Variants in LYPD6 observed in about 807,000 individuals in gnomAD.
The protein encoded by LYPD6 is ly6/PLAUR domain-containing protein 6.
Under a neutral mutation model 22.7 loss-of-function variants are expected in LYPD6, and 15 were observed. The observed-to-expected ratio is 0.66, with a 90% CI of 0.44 to 1.02. LYPD6 has a LOEUF of 1.02. LYPD6 is among the 50% of genes least tolerant of loss of function. The pLI is 0.00. For synonymous variants in LYPD6, 72 were observed against 77.5 expected (o/e 0.93, Z 0.37); for missense variants, 189 against 208.4 (o/e 0.91, Z 0.57).
downstream of LYPD6, among the ~76,000 whole-genome samples, chr2:149,475,381 C>CT (rs1681432831): frequency 6.6e-6 from 1 of 152,228 alleles, no homozygotes; most frequent in East Asian, 1.9e-4. Context: ...AGCATCATGA[C>CT]TTCACCTTGG....
chr2:149,453,494 G>C (rs1199378849), intron 3 of LYPD6, among the ~76,000 whole-genome samples: 1 of 152,188 alleles, frequency 6.6e-6, no homozygotes, highest in Non-Finnish European at 1.5e-5. Flanking sequence ...TGAAAATACT[G>C]CTGATATATA....
At chr2:149,467,803 G>A (rs1681234824) in intron 3 of LYPD6, among the ~76,000 whole-genome samples, 1 of 152,062 alleles carries the variant, frequency 6.6e-6, no homozygotes, top group Admixed American at 6.6e-5. Context: ...GCTGAACATT[G>A]CCTGGAGGCC....
At chr2:149,411,268 A>T (rs1682844004) in intron 1 of LYPD6, among the ~76,000 whole-genome samples, 1 of 152,082 alleles carries the variant, frequency 6.6e-6, no homozygotes, top group Non-Finnish European at 1.5e-5. Context: ...CTTGCATAAC[A>T]TCTCAGAATT....
At chr2:149,365,604 G>A (rs1037266085) in intron 1 of LYPD6, among the ~76,000 whole-genome samples, 5 of 151,872 alleles carry the variant, frequency 3.3e-5, no homozygotes, top group African/African-American at 1.2e-4. Context: ...ATTTACAGCT[G>A]TGTTTCTCAA....
At chr2:149,415,854 A>AT (rs997432134) in intron 1 of LYPD6, among the ~76,000 whole-genome samples, 6 of 151,122 alleles carry the variant, frequency 4.0e-5, no homozygotes, top group Admixed American at 4.0e-4. Flanking sequence ...TTTTTTTTGT[A>AT]TTTTTTGTAG....
At chr2:149,401,193 T>G (rs1682547088) in intron 1 of LYPD6, among the ~76,000 whole-genome samples, 1 of 152,204 alleles carries the variant, frequency 6.6e-6, no homozygotes, top group Non-Finnish European at 1.5e-5. Flanking sequence ...TGATCAGGAA[T>G]GTACCACATG....
chr2:149,405,602 G>T (rs1356801035), intron 1 of LYPD6, among the ~76,000 whole-genome samples: 1 of 151,944 alleles, frequency 6.6e-6, no homozygotes, highest in East Asian at 1.9e-4. Flanking sequence ...ATTTTTTATT[G>T]GTCTATTTGA....
the LYPD6 span, among the ~76,000 whole-genome samples, chr2:149,481,452 T>G: frequency 6.6e-6 from 1 of 152,214 alleles, no homozygotes; most frequent in African/African-American, 2.4e-5. Flanking sequence ...TCTGACCCCA[T>G]AATCCTACTT....
intron 1 of LYPD6, among the ~76,000 whole-genome samples, chr2:149,376,813 T>C (rs1681932624): frequency 6.6e-6 from 1 of 152,228 alleles, no homozygotes; most frequent in Admixed American, 6.5e-5. Context: ...AGCTCACATG[T>C]AACCATTGCT....
At chr2:149,357,284 C>T (rs886630983) in intron 1 of LYPD6, among the ~76,000 whole-genome samples, 1 of 152,214 alleles carries the variant, frequency 6.6e-6, no homozygotes, top group Non-Finnish European at 1.5e-5. Context: ...TTATGATTGA[C>T]ACTGAGCAAG....
intron 3 of LYPD6, among the ~76,000 whole-genome samples, chr2:149,464,629 A>G (rs938173008): frequency 2.6e-5 from 4 of 152,206 alleles, no homozygotes; most frequent in Non-Finnish European, 5.9e-5. Context: ...CCACTCAGGC[A>G]GGCCAAATAA....
Position 149,470,847 on chromosome 2 carries a change from A to C in LYPD6, c.513A>C (p.Leu171Phe). The C allele has an allele frequency of 6.2e-7, 1 of 1,611,082 alleles. No homozygotes were observed. Among genetic ancestry groups the C allele is most frequent in the Non-Finnish European group, 8.5e-7 (1 of 1,177,828 alleles). ...TGTGGTTGTGGTTAGGGCTCATGTT[A>C]TAGTGGCTCAGTGGCTCCATGTGTT... ...SCLWLWLGLML is the reference protein window; with the variant it reads ...SCLWLWLGLMF The change falls in exon 5 of 5, where the codon TTA (leucine) becomes TTC (phenylalanine). Residue 171 changes from leucine (L) to phenylalanine (F), a missense_variant. By Grantham distance (22) the Leu-to-Phe change is conservative (BLOSUM62 0). Coordinates refer to ENST00000334166, the MANE Select transcript of LYPD6 (RefSeq NM_194317.5).
Position 149,437,683 on chromosome 2 carries a change from C to G in LYPD6, c.-26C>G. The G allele has an allele frequency of 1.9e-6, 3 of 1,613,610 alleles. No homozygotes were observed. Among genetic ancestry groups the G allele is most frequent in the Non-Finnish European group, 1.7e-6 (2 of 1,179,898 alleles). On this transcript the variant is annotated 5_prime_UTR_variant, in exon 2 of 5. Transcript: ENST00000334166. ...CCCTGAGTGCCCACTCCCAGGCCCT[C>G]TGTATGAGTGACACTTCAGTCTGCC...
chr2:149,464,113 T>TA (rs34341723), intron 3 of LYPD6: 35,616 of 356,146 alleles, frequency 0.1, 1,145 homozygotes, highest in African/African-American at 0.17. Context: ...TAGGTTAAAT[T>TA]AAAAAAAAAA....
At chr2:149,457,711 A>G (rs746726289) in intron 3 of LYPD6, among the ~76,000 whole-genome samples, 2 of 152,128 alleles carry the variant, frequency 1.3e-5, no homozygotes, top group Non-Finnish European at 2.9e-5. Flanking sequence ...GAAAACTCCC[A>G]TTTCTGGAAA....
chr2:149,427,832 A>G (rs1424294176), intron 1 of LYPD6, among the ~76,000 whole-genome samples: 1 of 152,226 alleles, frequency 6.6e-6, no homozygotes, highest in Non-Finnish European at 1.5e-5. Context: ...TCGTTGTTAA[A>G]TGATGTATGA....
At chr2:149,458,109 G>A (rs879779553) in intron 3 of LYPD6, among the ~76,000 whole-genome samples, 15 of 152,180 alleles carry the variant, frequency 9.9e-5, no homozygotes, top group Non-Finnish European at 1.8e-4. Context: ...TACCAGCAGA[G>A]GCTGAATGGA....
At chr2:149,405,416 G>T (rs1392356842) in intron 1 of LYPD6, among the ~76,000 whole-genome samples, 4 of 152,170 alleles carry the variant, frequency 2.6e-5, no homozygotes, top group African/African-American at 9.7e-5. Context: ...TTCAGAGCCT[G>T]TTATTGGTCT....
intron 1 of LYPD6, among the ~76,000 whole-genome samples, chr2:149,337,128 A>G (rs1336333300): frequency 6.6e-6 from 1 of 152,212 alleles, no homozygotes; most frequent in Non-Finnish European, 1.5e-5. Flanking sequence ...TGTAAGCGCT[A>G]TGAGGACAGG....
Sources: gnomAD v4.1 joint callset for allele counts (sites outside exome capture counted in the v4.1 genomes callset) on GRCh38, gnomAD v4.1.1 for gene constraint, MANE v1.5 for transcripts, NCBI Gene and HGNC (gene_info 2026-07-23, HGNC 2026-07-21) for gene names.